Variants in MAGI2 observed in about 807,000 individuals in gnomAD.
The protein encoded by MAGI2 is membrane-associated guanylate kinase, WW and PDZ domain-containing protein 2.
In MAGI2, 35 loss-of-function variants were observed where a neutral mutation model predicts 133.3. That is an observed-to-expected ratio of 0.26 (90% confidence interval 0.20 to 0.35). MAGI2 has a LOEUF of 0.35. Ranked by LOEUF, MAGI2 falls within the 10% of genes least tolerant of loss-of-function variation. The pLI, the probability that MAGI2 is intolerant of heterozygous loss-of-function variation, is 1.00. For missense variants in MAGI2, 1,636 were observed against 1,863.4 expected (o/e 0.88, Z 2.25); for synonymous variants, 729 against 710.6 (o/e 1.03, Z -0.41).
At chr7:78,210,189 G>A (rs1265476276) in intron 10 of MAGI2, among the ~76,000 whole-genome samples, 1 of 152,094 alleles carries the variant, frequency 6.6e-6, no homozygotes, top group Non-Finnish European at 1.5e-5. Context: ...AATTCCATTA[G>A]TGGAGATATT....
intron 5 of MAGI2, among the ~76,000 whole-genome samples, chr7:78,499,154 C>T (rs62467116): frequency 0.11 from 17,239 of 152,024 alleles, 1,200 homozygotes; most frequent in African/African-American, 0.19. Context: ...TAAGATTTAC[C>T]AACTAATACA....
At chr7:78,724,856 T>C in intron 2 of MAGI2, among the ~76,000 whole-genome samples, 1 of 152,204 alleles carries the variant, frequency 6.6e-6, no homozygotes, top group Non-Finnish European at 1.5e-5. Context: ...TTCAGAAGGA[T>C]GTCACATGAA....
intron 1 of MAGI2, among the ~76,000 whole-genome samples, chr7:79,306,638 G>A (rs1187421329): frequency 1.3e-5 from 2 of 152,044 alleles, no homozygotes; most frequent in East Asian, 3.9e-4. Context: ...ATCTTATGAA[G>A]TGGTCTGGAT....
At chr7:78,781,830 A>G (rs1214151789) in intron 2 of MAGI2, among the ~76,000 whole-genome samples, 1 of 152,208 alleles carries the variant, frequency 6.6e-6, no homozygotes, top group East Asian at 1.9e-4. Flanking sequence ...GCACTGGAAG[A>G]GGTCACTGTA....
At chr7:78,125,626 C>T in intron 20 of MAGI2, 68 bp downstream of exon 20, 6 of 1,549,208 alleles carry the variant, frequency 3.9e-6, no homozygotes, top group Non-Finnish European at 5.3e-6. Flanking sequence ...TGCTTCAGTA[C>T]TCTTCCAATA....
chr7:78,869,107 A>C (rs1794826845), intron 2 of MAGI2, among the ~76,000 whole-genome samples: 1 of 152,184 alleles, frequency 6.6e-6, no homozygotes, highest in Admixed American at 6.5e-5. Context: ...CAAATGTCTT[A>C]AGAAGTTACC....
chr7:78,169,062 C>T (rs979390434), intron 14 of MAGI2, among the ~76,000 whole-genome samples: 1 of 152,162 alleles, frequency 6.6e-6, no homozygotes, highest in African/African-American at 2.4e-5. Flanking sequence ...AGAAGGTACC[C>T]GTCTAGGAAA....
At chr7:79,416,180 C>G (rs2190179) in intron 1 of MAGI2, among the ~76,000 whole-genome samples, 1 of 151,872 alleles carries the variant, frequency 6.6e-6, no homozygotes, top group Non-Finnish European at 1.5e-5. Flanking sequence ...CAATATTACA[C>G]GCCAAATTTT....
At chr7:78,196,794 T>C (rs1164193090) in intron 11 of MAGI2, among the ~76,000 whole-genome samples, 1 of 152,224 alleles carries the variant, frequency 6.6e-6, no homozygotes, top group East Asian at 1.9e-4. Context: ...TTGTTTTCTA[T>C]GTGGGCTATT....
At chr7:79,182,623 T>C (rs1826719365) in intron 1 of MAGI2, among the ~76,000 whole-genome samples, 1 of 151,940 alleles carries the variant, frequency 6.6e-6, no homozygotes, top group Admixed American at 6.6e-5. Context: ...AAAAATAGTA[T>C]GAAGATTTCT....
chr7:78,487,584 G>A (rs1793168616), intron 6 of MAGI2, among the ~76,000 whole-genome samples: 1 of 151,996 alleles, frequency 6.6e-6, no homozygotes, highest in African/African-American at 2.4e-5. Flanking sequence ...TACAGAAAAT[G>A]TTTGCCAACC....
chr7:78,242,954 C>T (rs1321959460), intron 10 of MAGI2, among the ~76,000 whole-genome samples: 1 of 151,980 alleles, frequency 6.6e-6, no homozygotes, highest in Non-Finnish European at 1.5e-5. Flanking sequence ...TGCCTGTGGT[C>T]CCAGCTACTT....
At chr7:79,145,366 C>T (rs563455485) in intron 1 of MAGI2, among the ~76,000 whole-genome samples, 4 of 152,160 alleles carry the variant, frequency 2.6e-5, no homozygotes, top group East Asian at 1.9e-4. Flanking sequence ...GCATGATGTT[C>T]GATAGAGCAC....
intron 16 of MAGI2, among the ~76,000 whole-genome samples, chr7:78,145,505 C>A (rs1823211531): frequency 6.6e-6 from 1 of 152,066 alleles, no homozygotes; most frequent in South Asian, 2.1e-4. Context: ...ATATTGGCAT[C>A]CCGGATTGGT....
At chr7:78,996,898 G>A (rs1437934631) in intron 2 of MAGI2, among the ~76,000 whole-genome samples, 1 of 152,126 alleles carries the variant, frequency 6.6e-6, no homozygotes, top group African/African-American at 2.4e-5. Context: ...GTGTAAAGCT[G>A]TTCAAAAAGT....
intron 20 of MAGI2, among the ~76,000 whole-genome samples, chr7:78,083,114 C>T (rs1464895881): frequency 6.6e-6 from 1 of 151,822 alleles, no homozygotes; most frequent in Non-Finnish European, 1.5e-5. Context: ...TGTCACTTTC[C>T]GCTATCACAA....
intron 1 of MAGI2, among the ~76,000 whole-genome samples, chr7:79,296,981 T>C (rs1021370849): frequency 1.1e-4 from 15 of 142,064 alleles, no homozygotes; most frequent in Non-Finnish European, 1.5e-4. Flanking sequence ...TATTGAAATA[T>C]CACACCATAC....
At chr7:78,377,788 CTG>C (rs1240875108) in intron 6 of MAGI2, among the ~76,000 whole-genome samples, 8 of 150,228 alleles carry the variant, frequency 5.3e-5, no homozygotes, top group Non-Finnish European at 8.9e-5. Context: ...TTACATGAAA[CTG>C]TTATCGCTGG....
rs531116351 is a variant in MAGI2, at chr7:78,105,513, T to A, written c.3567+20181A>T. ...TTGTTGCTTTATATCTTTGTCATCA[T>A]TTGATATAAAATTGATATACATTTC... On this transcript the variant is annotated intron_variant, in intron 20 of 21. Transcript: ENST00000354212. 1.2e-4 allele frequency among the ~76,000 whole-genome samples: 18 copies of A among 152,308 alleles called. No homozygotes were observed. The East Asian group carries it at 3.5e-3, about 29-fold the overall frequency.
Sources: gnomAD v4.1 joint callset for allele counts (sites outside exome capture counted in the v4.1 genomes callset) on GRCh38, gnomAD v4.1.1 for gene constraint, MANE v1.5 for transcripts, NCBI Gene and HGNC (gene_info 2026-07-23, HGNC 2026-07-21) for gene names.